Variants in CMSS1 observed in about 807,000 individuals in gnomAD.
CMSS1 encodes the protein cms1 ribosomal small subunit homolog.
A neutral mutation model predicts 43.5 loss-of-function variants in CMSS1; 33 were observed. That is an observed-to-expected ratio of 0.76 (90% confidence interval 0.57 to 1.01). CMSS1 has a LOEUF of 1.01. CMSS1 is among the 50% of genes least tolerant of loss of function. The probability of loss-of-function intolerance (pLI) is 0.00; values close to 1 mark genes in which losing one functional copy is unlikely to be tolerated. For missense variants in CMSS1, 313 were observed against 326.4 expected, an observed-to-expected ratio of 0.96 and a Z score of 0.32; for synonymous variants, 115 against 117.2, an observed-to-expected ratio of 0.98 and a Z score of 0.12.
chr3:99,946,555 A>G (rs1576592526), intron 1 of CMSS1, among the ~76,000 whole-genome samples: 1 of 152,326 alleles, frequency 6.6e-6, no homozygotes, highest in East Asian at 1.9e-4. Flanking sequence ...GGCTGAAGGC[A>G]TTTGGTCTTA....
chr3:100,153,831 G>A (rs1400467260), intron 2 of CMSS1, among the ~76,000 whole-genome samples: 1 of 151,700 alleles, frequency 6.6e-6, no homozygotes, highest in Non-Finnish European at 1.5e-5. Flanking sequence ...GACACCTGAG[G>A]CTATTTCTTT....
intron 1 of CMSS1, among the ~76,000 whole-genome samples, chr3:99,958,203 CATTATTATT>C (rs71688408): frequency 0.021 from 2,728 of 132,690 alleles, 46 homozygotes; most frequent in Middle Eastern, 0.034. Flanking sequence ...GCCCTGCATG[CATTATTATT>C]ATTATTATTA....
At chr3:99,962,271 C>T (rs962507302) in intron 1 of CMSS1, among the ~76,000 whole-genome samples, 1 of 152,002 alleles carries the variant, frequency 6.6e-6, no homozygotes, top group Non-Finnish European at 1.5e-5. Context: ...GGGCAGAAAC[C>T]AGGGCTAACA....
chr3:99,998,848 C>T (rs1186359639), intron 1 of CMSS1, among the ~76,000 whole-genome samples: 5 of 152,204 alleles, frequency 3.3e-5, no homozygotes, highest in African/African-American at 7.2e-5. Flanking sequence ...GGATTACAGG[C>T]GTGAGCCACC....
At chr3:99,852,671 C>T (rs1278251129) in intron 1 of CMSS1, among the ~76,000 whole-genome samples, 2 of 152,098 alleles carry the variant, frequency 1.3e-5, no homozygotes, top group African/African-American at 4.8e-5. Context: ...GTCTCGATCT[C>T]CTGACCTTGT....
chr3:99,952,062 G>A (rs1028147040), intron 1 of CMSS1, among the ~76,000 whole-genome samples: 3 of 152,098 alleles, frequency 2.0e-5, no homozygotes, highest in Admixed American at 2.0e-4. Flanking sequence ...CTGCACATGT[G>A]ACCTAGGGCC....
chr3:99,903,387 G>A (rs1576560497), intron 1 of CMSS1, among the ~76,000 whole-genome samples: 1 of 152,034 alleles, frequency 6.6e-6, no homozygotes, highest in African/African-American at 2.4e-5. Flanking sequence ...GAGTAGCTGG[G>A]ATTACAGGCG....
chr3:99,848,612 G>C, intron 1 of CMSS1: 1 of 1,614,198 alleles, frequency 6.2e-7, no homozygotes, highest in Non-Finnish European at 8.5e-7. Context: ...ATTTCTGTTG[G>C]TTCTGGGGAG....
intron 1 of CMSS1, among the ~76,000 whole-genome samples, chr3:99,887,573 G>A (rs1045244633): frequency 2.0e-5 from 3 of 152,156 alleles, no homozygotes; most frequent in African/African-American, 7.2e-5. Flanking sequence ...ACAGACAGTC[G>A]GGTGCCATCA....
At chr3:99,826,029 G>A (rs985773544) in intron 1 of CMSS1, among the ~76,000 whole-genome samples, 5 of 151,974 alleles carry the variant, frequency 3.3e-5, no homozygotes, top group Admixed American at 6.6e-5. Flanking sequence ...GCCTGCCTCC[G>A]CCTCCCAAAG....
intron 1 of CMSS1, among the ~76,000 whole-genome samples, chr3:100,097,629 T>C (rs1559756650): frequency 6.6e-6 from 1 of 152,246 alleles, no homozygotes; most frequent in Non-Finnish European, 1.5e-5. Flanking sequence ...TGCACTCTGT[T>C]TTTAAAGCCA....
intron 1 of CMSS1, among the ~76,000 whole-genome samples, chr3:99,996,060 CT>C (rs1709670082): frequency 6.6e-6 from 1 of 152,084 alleles, no homozygotes; most frequent in Non-Finnish European, 1.5e-5. Flanking sequence ...ATGGGTTTTT[CT>C]TTTCTATCAC....
chr3:100,065,919 G>T (rs1322141431), intron 1 of CMSS1, among the ~76,000 whole-genome samples: 2 of 152,160 alleles, frequency 1.3e-5, no homozygotes, highest in African/African-American at 4.8e-5. Context: ...CATCACCTGG[G>T]GACTTTTCAG....
At chr3:100,155,130 C>T (rs912680378) in intron 2 of CMSS1, among the ~76,000 whole-genome samples, 2 of 152,174 alleles carry the variant, frequency 1.3e-5, no homozygotes, top group Non-Finnish European at 2.9e-5. Flanking sequence ...CTACTGACAT[C>T]CTGACATAGC....
intron 1 of CMSS1, 124 bp downstream of exon 1, chr3:99,818,167 C>T (rs1316312687): frequency 2.5e-6 from 2 of 812,878 alleles, no homozygotes; most frequent in Non-Finnish European, 4.0e-6. Context: ...CTTGGGAGCG[C>T]GCAAGCATCT....
chr3:100,027,571 T>G (rs187237407), intron 1 of CMSS1, among the ~76,000 whole-genome samples: 1 of 152,300 alleles, frequency 6.6e-6, no homozygotes, highest in East Asian at 1.9e-4. Context: ...TTCCCACATG[T>G]ACCCTCCTAC....
chr3:99,925,734 A>G, intron 1 of CMSS1: 1 of 345,340 alleles, frequency 2.9e-6, no homozygotes, highest in Non-Finnish European at 4.1e-6. Flanking sequence ...AGCTCTTGGC[A>G]GATATCCCAA....
chr3:99,871,815 T>C (rs143667233), intron 1 of CMSS1, among the ~76,000 whole-genome samples: 1 of 152,120 alleles, frequency 6.6e-6, no homozygotes, highest in Non-Finnish European at 1.5e-5. Flanking sequence ...AAGTAGAGAG[T>C]GGGATTTGCC....
chr3:99,936,716 A>G lies in CMSS1; in HGVS notation c.64+118673A>G, dbSNP rs541443562. Among the ~76,000 whole-genome samples the G allele has an allele frequency of 4.0e-5, 6 of 150,904 alleles. No individual in the cohort carries two copies. In the South Asian group the frequency reaches 1.3e-3, roughly 32 times the overall value. On this transcript the variant is annotated intron_variant, in intron 1 of 9. Coordinates refer to ENST00000421999, the MANE Select transcript of CMSS1 (RefSeq NM_032359.4). The stretch of plus-strand genomic sequence containing the variant: ...ATCACTTGCCAAAGGTCACACTGCT[A>G]AAAAGTGGCAGAGTCAGAGTCAGGC...
Sources: gnomAD v4.1 joint callset for allele counts (sites outside exome capture counted in the v4.1 genomes callset) on GRCh38, gnomAD v4.1.1 for gene constraint, MANE v1.5 for transcripts, NCBI Gene and HGNC (gene_info 2026-07-23, HGNC 2026-07-21) for gene names.